The following UVSSA variants were observed in gnomAD, a reference collection of about 807,000 sequenced individuals.
UVSSA encodes the protein UV stimulated scaffold protein A.
A neutral mutation model predicts 73.9 loss-of-function variants in UVSSA; 72 were observed. That is an observed-to-expected ratio of 0.97 (90% CI 0.81 to 1.19). The LOEUF is 1.19. Ranked by LOEUF, UVSSA falls within the 50% of genes most tolerant of loss-of-function variation. The pLI, the probability that UVSSA is intolerant of heterozygous loss-of-function variation, is 0.00. For missense variants in UVSSA, 1,150 were observed against 965.0 expected (o/e 1.19, Z -2.54); for synonymous variants, 454 against 391.3 (o/e 1.16, Z -1.89).
intron 8 of UVSSA, among the ~76,000 whole-genome samples, chr4:1,366,796 GACACCGGCCTGCACACCCAGC>G (rs1717388381): frequency 6.6e-6 from 1 of 152,146 alleles, no homozygotes; most frequent in South Asian, 2.1e-4. Flanking sequence ...GTGTGTGGAG[GACACCGGCCTGCACACCCAGC>G]ACACCGGCCT....
intron 7 of UVSSA, among the ~76,000 whole-genome samples, chr4:1,364,762 CTCCACCCCA>C (rs1349261675): frequency 6.6e-6 from 1 of 152,028 alleles, no homozygotes; most frequent in Non-Finnish European, 1.5e-5. Flanking sequence ...CCTGGGGCAC[CTCCACCCCA>C]GCCACCCCAG....
chr4:1,371,844 C>T (rs1718079025), intron 8 of UVSSA, among the ~76,000 whole-genome samples: 1 of 152,196 alleles, frequency 6.6e-6, no homozygotes, highest in Non-Finnish European at 1.5e-5. Context: ...GATAGGAAAT[C>T]TCACGGCATC....
At chr4:1,375,018 G>A (rs989470049) in intron 8 of UVSSA, 4 of 278,318 alleles carry the variant, frequency 1.4e-5, no homozygotes, top group African/African-American at 2.2e-5. Flanking sequence ...ACAGGGTGCC[G>A]GGCAGTCTGG....
rs116645989 is a variant in UVSSA at position 1,385,413 on chromosome 4, C to G, written c.2037-455C>G. On this transcript the variant is annotated intron_variant, in intron 13 of 13. Transcript: ENST00000389851. ...TGCTCCCCGGAATGCCTGCCTGGCC[C>G]GTGCCCCCCCTGCTGCAGCCCTCCA... is the stretch of plus-strand genomic sequence containing the variant. 7.7e-4 allele frequency: 161 copies of G among 209,048 alleles called. 3 individuals carry two copies. In the South Asian group the frequency reaches 0.011, roughly 15 times the overall value. 12.9% of individuals were successfully genotyped at this position (209,048 alleles called of 1,614,324 possible).
chr4:1,348,223 G>T (rs994057760), intron 2 of UVSSA, 34 bp downstream of exon 2: 6 of 1,534,296 alleles, frequency 3.9e-6, no homozygotes, highest in Non-Finnish European at 5.4e-6. Flanking sequence ...GTAACTGACT[G>T]GCCCACTGAG....
intron 12 of UVSSA, 126 bp from the exon 13 acceptor site, chr4:1,383,640 A>C (rs967609413): frequency 3.6e-5 from 37 of 1,039,958 alleles, no homozygotes; most frequent in African/African-American, 6.4e-5. Context: ...CTGCCAGGGT[A>C]CGGCCGTGGG....
In UVSSA at chr4:1,386,239, C is replaced by T. The variant is rs576154288; in HGVS notation, c.*278C>T. 1.1e-3 allele frequency: 476 copies of T among 432,208 alleles called. 1 individual carries two copies. The highest frequency in any genetic ancestry group is 4.0e-3 in the Middle Eastern group (6 of 1,492). 26.8% of individuals were successfully genotyped at this position (432,208 alleles called of 1,614,324 possible). A position where few individuals can be genotyped will look rare whatever the true frequency, so the allele number is the denominator to read the frequency against. Reference sequence around the variant, plus strand: ...GTTCCAGAGGGCTTCTGCGAGTCCTCGTGAGACCAGTGCTTGTCGTGGTGT... The same window carrying T: ...GTTCCAGAGGGCTTCTGCGAGTCCTTGTGAGACCAGTGCTTGTCGTGGTGT... On this transcript the variant is annotated 3_prime_UTR_variant, in exon 14 of 14. Coordinates refer to ENST00000389851, the MANE Select transcript of UVSSA (RefSeq NM_020894.4).
intron 4 of UVSSA, among the ~76,000 whole-genome samples, chr4:1,352,692 C>T (rs1360263895): frequency 1.3e-5 from 2 of 152,266 alleles, no homozygotes; most frequent in Non-Finnish European, 2.9e-5. Context: ...TGACTCATGC[C>T]TGTCATCCCG....
chr4:1,371,209 G>C (rs542553530), intron 8 of UVSSA, among the ~76,000 whole-genome samples: 1 of 152,084 alleles, frequency 6.6e-6, no homozygotes, highest in South Asian at 2.1e-4. Context: ...AGGCCTGCAC[G>C]CTCTGCAGCT....
At chr4:1,370,773 T>C (rs145073385) in intron 8 of UVSSA, among the ~76,000 whole-genome samples, 2 of 152,374 alleles carry the variant, frequency 1.3e-5, no homozygotes, top group East Asian at 3.9e-4. Flanking sequence ...GGCTGACCTC[T>C]GTCCAGAGAG....
chr4:1,357,668 C>G (rs1054637553), intron 7 of UVSSA, among the ~76,000 whole-genome samples: 4 of 152,194 alleles, frequency 2.6e-5, no homozygotes, highest in East Asian at 1.9e-4. Context: ...GCAGACTCCC[C>G]CTGTGTGCCA....
exon 14 of UVSSA, chr4:1,394,225 C>T (rs1720468826): frequency 1.7e-6 from 1 of 588,526 alleles, no homozygotes; most frequent in South Asian, 2.0e-5. Context: ...TGTGGCAGAG[C>T]TTCTCAGCGG....
At chr4:1,388,864 G>C (rs1027571478), downstream of UVSSA, 1 of 152,138 alleles carries the variant, frequency 6.6e-6, no homozygotes, top group African/African-American at 2.4e-5. Context: ...CTAGGATTTT[G>C]CATCTGTATT....
At chr4:1,347,958 C>T (rs1713972840) in intron 1 of UVSSA, 132 bp from the exon 2 acceptor site, 1 of 718,678 alleles carries the variant, frequency 1.4e-6, no homozygotes, top group Admixed American at 2.3e-5. Flanking sequence ...GAGAGGCACC[C>T]ACAGATGGAC....
intron 8 of UVSSA, among the ~76,000 whole-genome samples, chr4:1,372,855 C>T (rs1175722328): frequency 1.5e-5 from 1 of 68,756 alleles, no homozygotes; most frequent in Non-Finnish European, 4.1e-5. Context: ...TCACCTCCCG[C>T]GTCCCTGCAC....
rs915415305 is a variant in UVSSA at position 1,377,572 on chromosome 4, G to A, written c.1568+1404G>A. 5.1e-5 allele frequency among the ~76,000 whole-genome samples: 6 copies of A among 117,084 alleles called. No homozygotes were observed. In the East Asian group the frequency reaches 1.3e-3, roughly 25 times the overall value. 76.8% of individuals were successfully genotyped at this position (117,084 alleles called of 152,430 possible). A position where few individuals can be genotyped will look rare whatever the true frequency, so the allele number is the denominator to read the frequency against. On this transcript the variant is annotated intron_variant, in intron 10 of 13. Coordinates refer to ENST00000389851, the MANE Select transcript of UVSSA (RefSeq NM_020894.4). ...TTGGTTTCTGAGCCTGGGAGGTGAC[G>A]CCCAGCAAAGCTCCCACCGAGAAGC...
Position 1,375,900 on chromosome 4 carries a change from G to A in UVSSA, c.1434-134G>A, listed in dbSNP as rs147405778. 120 of 1,375,806 alleles carry A rather than the reference G, an allele frequency of 8.7e-5. 1 individual carries two copies. In the African/African-American group the frequency reaches 1.3e-3, roughly 15 times the overall value. The allele number at this position is 1,375,806 out of a possible 1,614,324, so 85.2% of individuals were successfully genotyped here. ...TCAGCGGTGGCCCTGAGGCCCAGGC[G>A]TCGTGTGGCAGAAGCCATTGCTCAC... On this transcript the variant is annotated intron_variant, in intron 9 of 13. Transcript: ENST00000389851.
chr4:1,348,036 G>A (rs573032167), intron 1 of UVSSA, 54 bp from the exon 2 acceptor site: 6 of 1,428,394 alleles, frequency 4.2e-6, no homozygotes, highest in Admixed American at 1.7e-5. Context: ...TAATAACACC[G>A]AGAGCTATAA....
At position 1,380,216 on chromosome 4, in the gene UVSSA, C is replaced by A. The variant is rs144530948; in HGVS notation, c.1738C>A (p.Gln580Lys). 6.6e-5 allele frequency: 107 copies of A among 1,611,624 alleles called. 1 individual carries two copies. In the Middle Eastern group the frequency reaches 1.5e-3, roughly 22 times the overall value. Reference sequence around the variant, plus strand: ...GCCAGACGGCCGGCTCTGTGAGCGCCAAGACCGGCTGAAGGTGAGGCCGTG... The same window carrying A: ...GCCAGACGGCCGGCTCTGTGAGCGCAAAGACCGGCTGAAGGTGAGGCCGTG... ...PRPDGRLCERQDRLKCPFHGK... is the reference protein window; with the variant it reads ...PRPDGRLCERKDRLKCPFHGK... The change falls in exon 11 of 14, where the codon CAA becomes AAA. Residue 580 changes from glutamine (Q) to lysine (K), a missense_variant. Gln to Lys is a moderately conservative substitution (Grantham distance 53, BLOSUM62 1). Transcript: ENST00000389851.
Sources: allele counts gnomAD v4.1 joint callset (sites outside exome capture counted in the v4.1 genomes callset), GRCh38; gene constraint gnomAD v4.1.1; transcripts MANE v1.5; gene names NCBI Gene and HGNC (gene_info 2026-07-23, HGNC 2026-07-21).